The following DCHS2 variants were observed in gnomAD, a reference collection of about 807,000 sequenced individuals.
The protein encoded by DCHS2 is dachsous cadherin-related 2.
In DCHS2, 142 loss-of-function variants were observed where a neutral mutation model predicts 182.4. The observed-to-expected ratio is 0.78, with a 90% CI of 0.68 to 0.89. The LOEUF (loss-of-function observed/expected upper bound fraction) is 0.89. Among genes scored for constraint, DCHS2 ranks in the 40% least tolerant of loss-of-function variants. The pLI, the probability that DCHS2 is intolerant of heterozygous loss-of-function variation, is 0.00. For synonymous variants in DCHS2, 1,740 were observed against 1,663.3 expected (o/e 1.05, Z -1.12); for missense variants, 4,319 against 4,198.6 (o/e 1.03, Z -0.79).
chr4:154,342,322 G>C (rs1033648374), intron 3 of DCHS2, among the ~76,000 whole-genome samples: 5 of 152,198 alleles, frequency 3.3e-5, no homozygotes, highest in Admixed American at 2.6e-4. Context: ...CAGTGTGGTG[G>C]TTACTGAAGG....
chr4:154,415,828 A>G (rs1307082410), intron 1 of DCHS2, among the ~76,000 whole-genome samples: 1 of 152,236 alleles, frequency 6.6e-6, no homozygotes, highest in African/African-American at 2.4e-5. Context: ...GTTTTCTCCA[A>G]GGGAATTGAT....
chr4:154,235,432 A>G lies in DCHS2; in HGVS notation c.9220T>C (p.Leu3074=). The G allele has an allele frequency of 6.2e-7, 1 of 1,614,000 alleles. No individual in the cohort carries two copies. Among genetic ancestry groups the G allele is most frequent in the Non-Finnish European group, 8.5e-7 (1 of 1,179,962 alleles). The change falls in exon 20 of 20, where the codon TTA becomes CTA. Residue 3074 remains leucine (L), a synonymous_variant. Transcript: ENST00000357232. ...PVDATPEWLS[L]ISIMEKDIVN... is the part of the protein sequence containing the mutation. ...ATATCCTTCTCCATGATACTTATTA[A>G]ACTCAACCATTCCGGAGTGGCATCC...
At chr4:154,288,945 AT>A (rs1481910631) in intron 13 of DCHS2, among the ~76,000 whole-genome samples, 3 of 152,116 alleles carry the variant, frequency 2.0e-5, no homozygotes, top group African/African-American at 7.2e-5. Flanking sequence ...AGTAAAGTTT[AT>A]AGCTGTAAGT....
chr4:154,473,053 G>A (rs1232101923), intron 1 of DCHS2, among the ~76,000 whole-genome samples: 1 of 152,156 alleles, frequency 6.6e-6, no homozygotes, highest in Non-Finnish European at 1.5e-5. Context: ...GCTCAGCTGT[G>A]TGACCCTGGA....
At chr4:154,289,093 G>A (rs1734537365) in intron 13 of DCHS2, among the ~76,000 whole-genome samples, 1 of 151,902 alleles carries the variant, frequency 6.6e-6, no homozygotes, top group African/African-American at 2.4e-5. Context: ...ACAAAGATCA[G>A]AACAGAAATA....
intron 3 of DCHS2, among the ~76,000 whole-genome samples, chr4:154,338,988 G>T (rs865963238): frequency 3.3e-5 from 5 of 152,150 alleles, no homozygotes; most frequent in South Asian, 4.1e-4. Flanking sequence ...GAGATAGATA[G>T]ATAGACATTA....
intron 2 of DCHS2, among the ~76,000 whole-genome samples, chr4:154,369,458 C>T (rs1730538811): frequency 6.6e-6 from 1 of 152,174 alleles, no homozygotes; most frequent in Non-Finnish European, 1.5e-5. Flanking sequence ...AACTAATTTT[C>T]TCCATCCACT....
Position 154,491,401 on chromosome 4 carries a change from G to A in DCHS2, c.-46C>T, listed in dbSNP as rs1560791841. 3.4e-6 allele frequency: 5 copies of A among 1,452,710 alleles called. No individual in the cohort carries two copies. Among genetic ancestry groups the A allele is most frequent in the South Asian group, 1.5e-5 (1 of 68,532 alleles). The allele number at this position is 1,452,710 out of a possible 1,614,324, so 90.0% of individuals were successfully genotyped here. A position where few individuals can be genotyped will look rare whatever the true frequency, so the allele number is the denominator to read the frequency against. ...AAGGCTCTCGGGTAACTGCCAGCTT[G>A]TGGCAGGATCGCAGAAAAATCCAGG... On this transcript the variant is annotated 5_prime_UTR_variant, in exon 1 of 20. Coordinates refer to ENST00000357232, the MANE Select transcript of DCHS2 (RefSeq NM_001358235.2).
rs549913510 is a variant in DCHS2 at position 154,478,560 on chromosome 4, A to G, written c.2052+10744T>C. On this transcript the variant is annotated intron_variant, in intron 1 of 19. Coordinates refer to ENST00000357232, the MANE Select transcript of DCHS2 (RefSeq NM_001358235.2). ...ACCATGCAGGGTGGTTAGAGTCACT[A>G]GAAACACACAGTCTTTCTGGACACA... 4.3e-4 allele frequency among the ~76,000 whole-genome samples: 66 copies of G among 152,262 alleles called. No homozygotes were observed. The South Asian group carries it at 0.013, about 29-fold the overall frequency.
intron 7 of DCHS2, among the ~76,000 whole-genome samples, chr4:154,326,939 C>A (rs527241866): frequency 9.9e-4 from 151 of 152,208 alleles, no homozygotes; most frequent in African/African-American, 3.4e-3. Context: ...TGATTGAAAT[C>A]ATACTGAATT....
intron 16 of DCHS2, among the ~76,000 whole-genome samples, chr4:154,248,172 G>A (rs538605353): frequency 1.3e-5 from 2 of 152,240 alleles, no homozygotes; most frequent in South Asian, 4.2e-4. Context: ...CTGGGGGCTT[G>A]AGGAGTAGTG....
At chr4:154,371,289 T>C (rs974985419) in intron 2 of DCHS2, among the ~76,000 whole-genome samples, 6 of 149,966 alleles carry the variant, frequency 4.0e-5, no homozygotes, top group African/African-American at 9.9e-5. Context: ...GAGAAAGGAG[T>C]AGAAATTATT....
At position 154,472,355 on chromosome 4, in the gene DCHS2, G is replaced by C. The variant is rs113712007; in HGVS notation, c.2052+16949C>G. Among the ~76,000 whole-genome samples the C allele has an allele frequency of 2.1e-3, 320 of 152,254 alleles. 2 individuals are homozygous for C. Among genetic ancestry groups the C allele is most frequent in the African/African-American group, 7.3e-3 (302 of 41,554 alleles). On this transcript the variant is annotated intron_variant, in intron 1 of 19. Coordinates refer to ENST00000357232, the MANE Select transcript of DCHS2 (RefSeq NM_001358235.2). ...ATAATAATAAAAGCATCCTAGAAAT[G>C]AGCTCTGTCATATTCTTAAAGACAA...
chr4:154,319,088 T>G (rs1007851406), intron 9 of DCHS2, among the ~76,000 whole-genome samples: 5 of 152,040 alleles, frequency 3.3e-5, no homozygotes, highest in African/African-American at 1.2e-4. Context: ...ATACTACACT[T>G]TCGAAAAAGG....
chr4:154,266,056 C>T (rs1733239851), intron 14 of DCHS2, among the ~76,000 whole-genome samples: 1 of 152,194 alleles, frequency 6.6e-6, no homozygotes, highest in African/African-American at 2.4e-5. Context: ...TGTGGTCTCT[C>T]TTGCAAAATA....
intron 3 of DCHS2, among the ~76,000 whole-genome samples, chr4:154,348,601 G>T (rs76708031): frequency 1.3e-5 from 2 of 151,744 alleles, no homozygotes; most frequent in Non-Finnish European, 2.9e-5. Flanking sequence ...AATGACCGGT[G>T]TCCACACACA....
At chr4:154,377,788 A>C (rs1730980865) in intron 1 of DCHS2, among the ~76,000 whole-genome samples, 2 of 152,198 alleles carry the variant, frequency 1.3e-5, no homozygotes, top group Admixed American at 1.3e-4. Context: ...CAAAGATTTA[A>C]GAATACCCAT....
At chr4:154,475,139 T>C (rs1003664131) in intron 1 of DCHS2, among the ~76,000 whole-genome samples, 2 of 152,190 alleles carry the variant, frequency 1.3e-5, no homozygotes, top group African/African-American at 4.8e-5. Context: ...ATGTAATAAG[T>C]GGTTTTTGAA....
chr4:154,442,783 C>G (rs1157791476), intron 1 of DCHS2, among the ~76,000 whole-genome samples: 1 of 152,012 alleles, frequency 6.6e-6, no homozygotes, highest in Non-Finnish European at 1.5e-5. Flanking sequence ...TGAGGATTCC[C>G]CACTTATTGT....
Sources: allele counts gnomAD v4.1 joint callset (sites outside exome capture counted in the v4.1 genomes callset), GRCh38; gene constraint gnomAD v4.1.1; transcripts MANE v1.5; gene names NCBI Gene and HGNC (gene_info 2026-07-23, HGNC 2026-07-21).